The following TSHZ2 variants were observed in gnomAD, a reference collection of about 807,000 sequenced individuals.
TSHZ2 encodes the protein teashirt zinc finger homeobox 2.
In TSHZ2, 21 loss-of-function variants were observed where a neutral mutation model predicts 74.4. That is an observed-to-expected ratio of 0.28 (90% CI 0.20 to 0.41). The LOEUF is 0.41. Ranked by LOEUF, TSHZ2 falls within the 10% of genes least tolerant of loss-of-function variation. The probability of loss-of-function intolerance (pLI) is 1.00; values close to 1 mark genes in which losing one functional copy is unlikely to be tolerated. For missense variants in TSHZ2, 1,244 were observed against 1,293.5 expected (o/e 0.96, Z 0.59); for synonymous variants, 540 against 515.3 (o/e 1.05, Z -0.65).
chr20:53,111,574 C>T (rs948652021), intron 1 of TSHZ2, among the ~76,000 whole-genome samples: 4 of 152,114 alleles, frequency 2.6e-5, no homozygotes, highest in African/African-American at 7.2e-5. Flanking sequence ...CACGTAACTT[C>T]GAGAGGACAT....
chr20:53,080,101 C>T (rs961677137), intron 1 of TSHZ2, among the ~76,000 whole-genome samples: 5 of 152,176 alleles, frequency 3.3e-5, no homozygotes, highest in Non-Finnish European at 7.4e-5. Context: ...TGATTCGAAT[C>T]TTAAACGAGT....
chr20:53,418,499 G>T (rs1216289317), intron 2 of TSHZ2, among the ~76,000 whole-genome samples: 1 of 152,170 alleles, frequency 6.6e-6, no homozygotes, highest in Non-Finnish European at 1.5e-5. Flanking sequence ...GACAGTGAAA[G>T]GCACGTCTCA....
At chr20:52,982,340 C>T (rs1044909765) in intron 1 of TSHZ2, among the ~76,000 whole-genome samples, 5 of 152,132 alleles carry the variant, frequency 3.3e-5, no homozygotes, top group Non-Finnish European at 5.9e-5. Context: ...CCAGGAAGGA[C>T]CCAAGGAAGA....
intron 2 of TSHZ2, among the ~76,000 whole-genome samples, chr20:53,448,875 A>C (rs1984661552): frequency 6.6e-6 from 1 of 152,250 alleles, no homozygotes; most frequent in South Asian, 2.1e-4. Flanking sequence ...TGTAAAGATT[A>C]GTGATCATCC....
chr20:53,387,248 A>G (rs1982082810), intron 2 of TSHZ2, among the ~76,000 whole-genome samples: 1 of 152,238 alleles, frequency 6.6e-6, no homozygotes, highest in African/African-American at 2.4e-5. Flanking sequence ...CAATGTAGAA[A>G]ACAGTGGTCT....
intron 2 of TSHZ2, among the ~76,000 whole-genome samples, chr20:53,300,499 T>A (rs182441130): frequency 6.6e-6 from 1 of 152,300 alleles, no homozygotes; most frequent in East Asian, 1.9e-4. Context: ...ATTTGAAGGG[T>A]TAGTATTTTC....
At chr20:53,285,164 A>C (rs1991141321) in intron 2 of TSHZ2, among the ~76,000 whole-genome samples, 1 of 152,164 alleles carries the variant, frequency 6.6e-6, no homozygotes, top group Non-Finnish European at 1.5e-5. Flanking sequence ...AAGCCCCCAC[A>C]AAGTGAGAAA....
intron 2 of TSHZ2, among the ~76,000 whole-genome samples, chr20:53,283,953 T>C (rs1422893951): frequency 3.9e-5 from 6 of 152,212 alleles, no homozygotes; most frequent in African/African-American, 7.2e-5. Context: ...GACTGCAATA[T>C]GCAAAAGAGG....
chr20:53,201,329 C>T (rs542971232), intron 1 of TSHZ2, among the ~76,000 whole-genome samples: 12 of 152,254 alleles, frequency 7.9e-5, no homozygotes, highest in African/African-American at 2.4e-4. Flanking sequence ...CACATTCCTT[C>T]GGGAGGCTCC....
intron 1 of TSHZ2, among the ~76,000 whole-genome samples, chr20:52,998,027 G>A (rs149612458): frequency 2.0e-5 from 3 of 152,252 alleles, no homozygotes; most frequent in East Asian, 3.9e-4. Flanking sequence ...GCTCAGGGGG[G>A]GATTCGTGAG....
At chr20:53,224,194 A>G (rs1206835714) in intron 1 of TSHZ2, among the ~76,000 whole-genome samples, 1 of 152,228 alleles carries the variant, frequency 6.6e-6, no homozygotes, top group African/African-American at 2.4e-5. Flanking sequence ...GGACAAAGCT[A>G]AAGAAACAAA....
intron 2 of TSHZ2, among the ~76,000 whole-genome samples, chr20:53,272,495 C>A (rs1268098544): frequency 6.6e-6 from 1 of 152,074 alleles, no homozygotes; most frequent in African/African-American, 2.4e-5. Context: ...AAGGGACATG[C>A]TATCTAGGAA....
chr20:53,130,288 A>T (rs1489102933), intron 1 of TSHZ2, among the ~76,000 whole-genome samples: 1 of 151,932 alleles, frequency 6.6e-6, no homozygotes, highest in Non-Finnish European at 1.5e-5. Flanking sequence ...AGCAAGGGAG[A>T]GCAAAAGCCA....
At chr20:53,331,980 G>A (rs1317058263) in intron 2 of TSHZ2, among the ~76,000 whole-genome samples, 4 of 152,270 alleles carry the variant, frequency 2.6e-5, no homozygotes, top group South Asian at 2.1e-4. Flanking sequence ...ATGGAGCCAG[G>A]AGGACAGAGA....
intron 2 of TSHZ2, among the ~76,000 whole-genome samples, chr20:53,468,541 A>G (rs1411159137): frequency 6.6e-6 from 1 of 152,076 alleles, no homozygotes; most frequent in Admixed American, 6.6e-5. Context: ...CATTTTGCAC[A>G]CACTGGTGAA....
chr20:53,436,086 C>T (rs1984049546), intron 2 of TSHZ2, among the ~76,000 whole-genome samples: 1 of 152,094 alleles, frequency 6.6e-6, no homozygotes, highest in East Asian at 1.9e-4. Context: ...AGGCGTAGTG[C>T]AGTATCTGGA....
chr20:53,281,582 C>A (rs911540448), intron 2 of TSHZ2, among the ~76,000 whole-genome samples: 1 of 152,164 alleles, frequency 6.6e-6, no homozygotes, highest in East Asian at 1.9e-4. Context: ...GGCCCACAGG[C>A]TAGAGTTTAC....
intron 2 of TSHZ2, among the ~76,000 whole-genome samples, chr20:53,431,671 A>G (rs917902052): frequency 1.3e-5 from 2 of 152,182 alleles, no homozygotes; most frequent in African/African-American, 4.8e-5. Context: ...AGAGAAGAAA[A>G]TAAGTTAAAC....
chr20:53,479,954 C>T (rs542263375), intron 2 of TSHZ2, among the ~76,000 whole-genome samples: 9 of 152,070 alleles, frequency 5.9e-5, no homozygotes, highest in Non-Finnish European at 1.2e-4. Flanking sequence ...AAAAATGGTA[C>T]AGACTGAGAG....
Sources: allele counts gnomAD v4.1 joint callset (sites outside exome capture counted in the v4.1 genomes callset), GRCh38; gene constraint gnomAD v4.1.1; transcripts MANE v1.5; gene names NCBI Gene and HGNC (gene_info 2026-07-23, HGNC 2026-07-21).